The following ERCC3 variants were observed in gnomAD, a reference collection of about 807,000 sequenced individuals.
The protein encoded by ERCC3 is general transcription and DNA repair factor IIH helicase/translocase subunit XPB.
Under a neutral mutation model 94.2 loss-of-function variants are expected in ERCC3, and 66 were observed. That is an observed-to-expected ratio of 0.70 (90% CI 0.57 to 0.86). The LOEUF is 0.86. Ranked by LOEUF, ERCC3 falls within the 40% of genes least tolerant of loss-of-function variation. The probability of loss-of-function intolerance (pLI) is 0.00; values close to 1 mark genes in which losing one functional copy is unlikely to be tolerated. For missense variants in ERCC3, 829 were observed against 987.1 expected, an observed-to-expected ratio of 0.84 and a Z score of 2.15; for synonymous variants, 349 against 369.1, an observed-to-expected ratio of 0.95 and a Z score of 0.63.
chr2:127,280,700 T>C lies in ERCC3; in HGVS notation c.1343-69A>G. 1 of 1,393,596 alleles carries C rather than the reference T, an allele frequency of 7.2e-7. No individual in the cohort carries two copies. The highest frequency in any genetic ancestry group is 1.3e-5 in the South Asian group (1 of 78,504). The allele number at this position is 1,393,596 out of a possible 1,614,324, so 86.3% of individuals were successfully genotyped here. The stretch of plus-strand genomic sequence containing the variant: ...TATTTTTTATTTATTTATTTTAAAA[T>C]ATTTTTTGTAGAGATGGGGTCTCAT... On this transcript the variant is annotated intron_variant, in intron 8 of 14. Transcript: ENST00000285398. The surrounding 1 kb of genome is among the most constrained non-coding windows in gnomAD (Gnocchi z 6.3).
chr2:127,263,695 T>C (rs1187460096), intron 12 of ERCC3, among the ~76,000 whole-genome samples: 1 of 150,326 alleles, frequency 6.7e-6, no homozygotes, highest in Non-Finnish European at 1.5e-5. Context: ...CTCTTTGTCT[T>C]GTTCCAGTTC....
At chr2:127,266,388 T>A (rs951563158) in intron 12 of ERCC3, among the ~76,000 whole-genome samples, 1 of 142,836 alleles carries the variant, frequency 7.0e-6, no homozygotes, top group African/African-American at 2.7e-5. Flanking sequence ...CAGGCTGGAG[T>A]GCAGTGGCGC....
rs899149948 is a variant in ERCC3, at chr2:127,291,806, C to G, written c.471+804G>C. On this transcript the variant is annotated intron_variant, in intron 3 of 14. Coordinates refer to ENST00000285398, the MANE Select transcript of ERCC3 (RefSeq NM_000122.2). This position sits in a 1 kb window ranked among gnomAD's most constrained non-coding sequence, Gnocchi z 4.9. ...GTTCAACTATTAATCACATGGAACC[C>G]TCTTTGTTTTGTCAAAAACATCTGA... 2.0e-5 allele frequency: 3 copies of G among 152,514 alleles called. No individual in the cohort carries two copies. Among genetic ancestry groups the G allele is most frequent in the African/African-American group, 7.2e-5 (3 of 41,462 alleles). 9.4% of individuals were successfully genotyped at this position (152,514 alleles called of 1,614,324 possible). A position where few individuals can be genotyped will look rare whatever the true frequency, so the allele number is the denominator to read the frequency against.
At chr2:127,262,363 C>T (rs1684213479) in intron 12 of ERCC3, 2 of 152,256 alleles carry the variant, frequency 1.3e-5, no homozygotes, top group Non-Finnish European at 2.9e-5. Context: ...CGTGGTGGCT[C>T]ATGCCTGTAA....
chr2:127,266,215 C>T (rs1248651473), intron 12 of ERCC3, among the ~76,000 whole-genome samples: 2 of 151,750 alleles, frequency 1.3e-5, no homozygotes, highest in African/African-American at 4.8e-5. Flanking sequence ...GCATGAGCCA[C>T]TGTGCCTGGC....
chr2:127,280,410 G>T lies in ERCC3; in HGVS notation c.1527+37C>A. 1 of 1,578,160 alleles carries T rather than the reference G, an allele frequency of 6.3e-7. No individual in the cohort carries two copies. The highest frequency in any genetic ancestry group is 8.6e-7 in the Non-Finnish European group (1 of 1,156,358). On this transcript the variant is annotated intron_variant, in intron 9 of 14. Coordinates refer to ENST00000285398, the MANE Select transcript of ERCC3 (RefSeq NM_000122.2). The surrounding 1 kb of genome is among the most constrained non-coding windows in gnomAD (Gnocchi z 6.3). ...ATCACTCCCCTGCCCATAGGAGGAG[G>T]CCCTTTCCCAGACGCCCCCAGCCCA...
intron 8 of ERCC3, among the ~76,000 whole-genome samples, chr2:127,283,640 T>C (rs758535645): frequency 1.3e-4 from 20 of 152,222 alleles, no homozygotes; most frequent in Admixed American, 4.6e-4. Flanking sequence ...ATGGACAAAC[T>C]GTTTTCCACA....
rs767166825 is a variant in ERCC3 at position 127,293,702 on chromosome 2, C to T, written c.45G>A (p.Arg15=). 6 of 1,612,878 alleles carry T rather than the reference C, an allele frequency of 3.7e-6. No individual in the cohort carries two copies. The highest frequency in any genetic ancestry group is 4.2e-6 in the Non-Finnish European group (5 of 1,180,040). The change falls in exon 2 of 15, where the codon AGG becomes AGA. Residue 15 remains arginine, a synonymous_variant. Transcript: ENST00000285398. ...DRADRDKKKS[R]KRHYEDEEDD... ...CCTCTTCATCCTCATAGTGCCGCTT[C>T]CTGGATTTCTTCTTGTCTGCAAGAT...
intron 10 of ERCC3, among the ~76,000 whole-genome samples, chr2:127,273,329 A>C (rs898354334): frequency 9.8e-5 from 15 of 152,372 alleles, no homozygotes; most frequent in African/African-American, 2.9e-4. Flanking sequence ...TTCCAAAAAA[A>C]GGCTGGAAGC....
rs1684948458 is a variant in ERCC3, at chr2:127,282,537, G to GGCA, written c.1343-1907_1343-1906insTGC. ...TAACAGAGCTCCTTTTGAAAAATCT[G>GGCA]TAAAACAGCACAGCAATCTTTATCC... On this transcript the variant is annotated intron_variant, in intron 8 of 14. Coordinates refer to ENST00000285398, the MANE Select transcript of ERCC3 (RefSeq NM_000122.2). Among the ~76,000 whole-genome samples the GGCA allele has an allele frequency of 3.3e-5, 5 of 152,298 alleles. No individual in the cohort carries two copies. The South Asian group carries it at 1.0e-3, about 32-fold the overall frequency.
intron 12 of ERCC3, among the ~76,000 whole-genome samples, chr2:127,267,526 G>A (rs1408816128): frequency 6.6e-6 from 1 of 151,938 alleles, no homozygotes; most frequent in African/African-American, 2.4e-5. Flanking sequence ...CTTGAAGACA[G>A]CAGAAGGCTG....
intron 10 of ERCC3, among the ~76,000 whole-genome samples, chr2:127,273,705 C>T (rs1485187245): frequency 2.9e-5 from 4 of 137,690 alleles, no homozygotes; most frequent in East Asian, 4.6e-4. Flanking sequence ...GCCGAGATCG[C>T]GCCATTGCAC....
chr2:127,287,188 G>A (rs1386757892), intron 7 of ERCC3, among the ~76,000 whole-genome samples, 171 bp from the exon 8 acceptor site: 1 of 152,190 alleles, frequency 6.6e-6, no homozygotes, highest in Non-Finnish European at 1.5e-5. Flanking sequence ...TTATAATGAG[G>A]AGACATGCCC....
intron 7 of ERCC3, 92 bp downstream of exon 7, chr2:127,288,568 G>T: frequency 9.0e-7 from 1 of 1,115,362 alleles, no homozygotes; most frequent in Non-Finnish European, 1.4e-6. Flanking sequence ...AGCAAGGTGT[G>T]ATTTAGGGAA....
At chr2:127,278,567 C>T (rs976444083) in intron 10 of ERCC3, among the ~76,000 whole-genome samples, 11 of 152,188 alleles carry the variant, frequency 7.2e-5, no homozygotes, top group African/African-American at 2.7e-4. Context: ...GACCTGTCTC[C>T]ATAGAGGGCC....
rs1174353878 is a variant in ERCC3, at chr2:127,291,458, G to A, written c.471+1152C>T. On this transcript the variant is annotated intron_variant, in intron 3 of 14. Coordinates refer to ENST00000285398, the MANE Select transcript of ERCC3 (RefSeq NM_000122.2). The surrounding 1 kb of genome is among the most constrained non-coding windows in gnomAD (Gnocchi z 4.9). Reference sequence around the variant, plus strand: ...TATTTTTAGTAGAGACAGGAATTTCGCCATGTTGGCCAGGCTGGTCTTGAA... The same window carrying A: ...TATTTTTAGTAGAGACAGGAATTTCACCATGTTGGCCAGGCTGGTCTTGAA... 6.6e-6 allele frequency among the ~76,000 whole-genome samples: 1 copy of A among 151,994 alleles called. No individual in the cohort carries two copies. Among genetic ancestry groups the A allele is most frequent in the African/African-American group, 2.4e-5 (1 of 41,366 alleles).
chr2:127,265,136 C>G (rs1036409683), intron 12 of ERCC3, among the ~76,000 whole-genome samples: 24 of 152,074 alleles, frequency 1.6e-4, no homozygotes, highest in African/African-American at 5.8e-4. Context: ...TGTGAGCCAC[C>G]ATGCCTGGGG....
In ERCC3 at chr2:127,259,647, T is replaced by C. The variant is rs1684132690; in HGVS notation, c.2065-199A>G. On this transcript the variant is annotated intron_variant, in intron 13 of 14. Coordinates refer to ENST00000285398, the MANE Select transcript of ERCC3 (RefSeq NM_000122.2). This position sits in a 1 kb window ranked among gnomAD's most constrained non-coding sequence, Gnocchi z 4.9. ...CTTTAACAGGGAGCTTGACTAATGATCTCAAGACCAGAGGGATGCAGGAAT... is the reference window on the plus strand; with the variant it reads ...CTTTAACAGGGAGCTTGACTAATGACCTCAAGACCAGAGGGATGCAGGAAT... 2 of 642,966 alleles carry C rather than the reference T, an allele frequency of 3.1e-6. No individual in the cohort carries two copies. Among genetic ancestry groups the C allele is most frequent in the African/African-American group, 1.8e-5 (1 of 55,462 alleles). 39.8% of individuals were successfully genotyped at this position (642,966 alleles called of 1,614,324 possible).
In ERCC3 at chr2:127,259,519, G is replaced by C. The variant is rs1337683802; in HGVS notation, c.2065-71C>G. 1 of 1,600,476 alleles carries C rather than the reference G, an allele frequency of 6.2e-7. No homozygotes were observed. Among genetic ancestry groups the C allele is most frequent in the Admixed American group, 1.7e-5 (1 of 59,946 alleles). On this transcript the variant is annotated intron_variant, in intron 13 of 14. Transcript: ENST00000285398. This position sits in a 1 kb window ranked among gnomAD's most constrained non-coding sequence, Gnocchi z 4.9. ...CCCAGCCCTCCTCTGCCTTCTCCTG[G>C]GTCCACCTGCTTTGGTCACTTCCCT...
Sources: allele counts gnomAD v4.1 joint callset (sites outside exome capture counted in the v4.1 genomes callset), GRCh38; gene constraint gnomAD v4.1.1; non-coding constraint Gnocchi (gnomAD v3.1); transcripts MANE v1.5; gene names NCBI Gene and HGNC (gene_info 2026-07-23, HGNC 2026-07-21).